PAQR7: variants seen among roughly 807,000 people sequenced by gnomAD.
PAQR7 encodes the protein membrane progestin receptor alpha.
PAQR7 carries 14 observed loss-of-function variants against 24.6 expected under a neutral mutation model. That is an observed-to-expected ratio of 0.57 (90% CI 0.38 to 0.89). The LOEUF is 0.89. Among genes scored for constraint, PAQR7 ranks in the 40% least tolerant of loss-of-function variants. The pLI is 0.00. For missense variants in PAQR7, 351 were observed against 444.0 expected (o/e 0.79, Z 1.88); for synonymous variants, 189 against 198.8 (o/e 0.95, Z 0.42).
At position 25,870,696 on chromosome 1, in the gene PAQR7, T is replaced by C. The variant is rs1458901352; in HGVS notation, c.-108-2A>G. ...GCAAACTTCAGTGGTTCCTGTCCAC[T>C]ACTCAGTGGGAATCAGAATGGAAGA... On this transcript the variant is annotated splice_acceptor_variant, in intron 1 of 2. Coordinates refer to ENST00000675840, the MANE Select transcript of PAQR7 (RefSeq NM_178422.6). LOFTEE classifies it low-confidence loss of function (5UTR_SPLICE). 6.6e-6 allele frequency: 1 copy of C among 152,208 alleles called. No individual in the cohort carries two copies. The highest frequency in any genetic ancestry group is 2.4e-5 in the African/African-American group (1 of 41,444). The allele number at this position is 152,208 out of a possible 1,614,324, so 9.4% of individuals were successfully genotyped here. A position where few individuals can be genotyped will look rare whatever the true frequency, so the allele number is the denominator to read the frequency against.
intron 1 of PAQR7, among the ~76,000 whole-genome samples, chr1:25,872,206 G>C (rs1054632871): frequency 6.6e-6 from 1 of 152,192 alleles, no homozygotes; most frequent in Non-Finnish European, 1.5e-5. Context: ...CCAGGTGTTG[G>C]CTCTGGCACA....
In PAQR7 at chr1:25,863,911, C is replaced by A; in HGVS notation, c.-22-50G>T. 1 of 1,419,998 alleles carries A rather than the reference C, an allele frequency of 7.0e-7. No homozygotes were observed. Among genetic ancestry groups the A allele is most frequent in the South Asian group, 1.4e-5 (1 of 73,768 alleles). The allele number at this position is 1,419,998 out of a possible 1,614,324, so 88.0% of individuals were successfully genotyped here. On this transcript the variant is annotated intron_variant, in intron 2 of 2. Coordinates refer to ENST00000675840, the MANE Select transcript of PAQR7 (RefSeq NM_178422.6). The surrounding 1 kb of genome is among the most constrained non-coding windows in gnomAD (Gnocchi z 6.1). ...CAGGGGCCTGGTGTCCTCACCCCCA[C>A]GAGCAGCAGCTGGGGGGCTCTGATG...
intron 2 of PAQR7, among the ~76,000 whole-genome samples, chr1:25,869,980 T>G (rs116304103): frequency 6.6e-6 from 1 of 152,136 alleles, no homozygotes; most frequent in Non-Finnish European, 1.5e-5. Flanking sequence ...CGCTGCCCTA[T>G]TTTCTTTAGA....
intron 2 of PAQR7, among the ~76,000 whole-genome samples, chr1:25,869,265 A>C (rs921190723): frequency 6.6e-6 from 1 of 151,866 alleles, no homozygotes; most frequent in African/African-American, 2.4e-5. Flanking sequence ...GCGGATAATG[A>C]AATTCAGAGA....
At position 25,861,499 on chromosome 1, in the gene PAQR7, T is replaced by C. The variant is rs2124522453; in HGVS notation, c.*1300A>G. 1 of 152,198 alleles carries C rather than the reference T, an allele frequency of 6.6e-6. No homozygotes were observed. Among genetic ancestry groups the C allele is most frequent in the Middle Eastern group, 3.4e-3 (1 of 294 alleles). 9.4% of individuals were successfully genotyped at this position (152,198 alleles called of 1,614,324 possible). A position where few individuals can be genotyped will look rare whatever the true frequency, so the allele number is the denominator to read the frequency against. On this transcript the variant is annotated 3_prime_UTR_variant, in exon 3 of 3. Transcript: ENST00000675840. ...AACAAAGAGGTGGCTACTGTCACAG[T>C]ACTTTATTGCATCCAGGCCATAATC... is the stretch of plus-strand genomic sequence containing the variant.
intron 1 of PAQR7, chr1:25,871,178 T>G (rs1295399912): frequency 6.6e-6 from 1 of 152,142 alleles, no homozygotes; most frequent in East Asian, 1.9e-4. Context: ...GAGTTTGGAC[T>G]TCCAAGGACA....
In PAQR7 at chr1:25,863,724, G is replaced by C. The variant is rs759310565; in HGVS notation, c.116C>G (p.Pro39Arg). ...GATGTACGGCTTCCAGAAGAGCGGC[G>C]GCACCTCAGCTCGATCCACCGTGAA... is the stretch of plus-strand genomic sequence containing the variant. ...PVFTVDRAEV[P>R]PLFWKPYIYA... is the part of the protein sequence containing the mutation. Residue 39 changes from proline to arginine, a missense_variant, in exon 3 of 3, where the codon CCG (proline) becomes CGG (arginine). Transcript: ENST00000675840. This position sits in a 1 kb window ranked among gnomAD's most constrained non-coding sequence, Gnocchi z 6.1. 5.6e-6 allele frequency: 9 copies of C among 1,613,918 alleles called. No individual in the cohort carries two copies. The highest frequency in any genetic ancestry group is 3.3e-4 in the Middle Eastern group (2 of 6,084).
chr1:25,870,325 T>C (rs2048593501), intron 2 of PAQR7, among the ~76,000 whole-genome samples: 1 of 152,112 alleles, frequency 6.6e-6, no homozygotes, highest in African/African-American at 2.4e-5. Context: ...ACCTCTACTA[T>C]GGGACTGGGC....
chr1:25,868,820 T>C lies in PAQR7; in HGVS notation c.-23+1789A>G, dbSNP rs1460959764. Among the ~76,000 whole-genome samples, 6 of 151,652 alleles carry C rather than the reference T, an allele frequency of 4.0e-5. No homozygotes were observed. The East Asian group carries it at 9.8e-4, about 25-fold the overall frequency. The stretch of plus-strand genomic sequence containing the variant: ...ATGTGACCACGGATTCCTTCCGTAG[T>C]AATAATTATATTATAAAGCCACTTG... On this transcript the variant is annotated intron_variant, in intron 2 of 2. Coordinates refer to ENST00000675840, the MANE Select transcript of PAQR7 (RefSeq NM_178422.6).
chr1:25,868,397 A>G (rs2048574786), intron 2 of PAQR7, among the ~76,000 whole-genome samples: 1 of 152,196 alleles, frequency 6.6e-6, no homozygotes, highest in African/African-American at 2.4e-5. Flanking sequence ...ACTTCCCAAG[A>G]TATAACAGCA....
At chr1:25,865,016 T>G (rs1037599299) in intron 2 of PAQR7, among the ~76,000 whole-genome samples, 1 of 151,212 alleles carries the variant, frequency 6.6e-6, no homozygotes, top group African/African-American at 2.4e-5. Flanking sequence ...TTTAGCCAGG[T>G]GAGGTGGGGG....
intron 2 of PAQR7, among the ~76,000 whole-genome samples, chr1:25,865,455 A>G (rs1054706865): frequency 1.3e-5 from 2 of 151,614 alleles, no homozygotes; most frequent in African/African-American, 4.9e-5. Flanking sequence ...CAGGCGGATC[A>G]CCTGAGGTCG....
intron 2 of PAQR7, among the ~76,000 whole-genome samples, chr1:25,865,637 A>C (rs953259785): frequency 2.0e-5 from 3 of 152,072 alleles, no homozygotes; most frequent in African/African-American, 7.2e-5. Context: ...GTGAAACCTC[A>C]TCTCTACTAA....
chr1:25,863,923 G>A lies in PAQR7; in HGVS notation c.-22-62C>T. On this transcript the variant is annotated intron_variant, in intron 2 of 2. Coordinates refer to ENST00000675840, the MANE Select transcript of PAQR7 (RefSeq NM_178422.6). The surrounding 1 kb of genome is among the most constrained non-coding windows in gnomAD (Gnocchi z 6.1). The stretch of plus-strand genomic sequence containing the variant: ...GTCCTCACCCCCACGAGCAGCAGCT[G>A]GGGGGCTCTGATGCCCAAATCCTAC... 1 of 1,336,098 alleles carries A rather than the reference G, an allele frequency of 7.5e-7. No individual in the cohort carries two copies. Among genetic ancestry groups the A allele is most frequent in the South Asian group, 1.4e-5 (1 of 70,514 alleles). 82.8% of individuals were successfully genotyped at this position (1,336,098 alleles called of 1,614,324 possible). A position where few individuals can be genotyped will look rare whatever the true frequency, so the allele number is the denominator to read the frequency against.
At chr1:25,871,938 G>A (rs2048609704) in intron 1 of PAQR7, among the ~76,000 whole-genome samples, 1 of 152,224 alleles carries the variant, frequency 6.6e-6, no homozygotes, top group Non-Finnish European at 1.5e-5. Flanking sequence ...GCCAGGTAGT[G>A]AGCCTGGAGA....
Position 25,862,446 on chromosome 1 carries a change from T to C in PAQR7, c.*353A>G. On this transcript the variant is annotated 3_prime_UTR_variant, in exon 3 of 3. Transcript: ENST00000675840. ...GCTCAGCTCAAATCTGACTCTGGCC[T>C]AAGTTTCACCTCCTGCCTAGACAAT... 1 of 225,916 alleles carries C rather than the reference T, an allele frequency of 4.4e-6. No individual in the cohort carries two copies. The highest frequency in any genetic ancestry group is 8.4e-5 in the South Asian group (1 of 11,838). The allele number at this position is 225,916 out of a possible 1,614,324, so 14.0% of individuals were successfully genotyped here. A position where few individuals can be genotyped will look rare whatever the true frequency, so the allele number is the denominator to read the frequency against.
Position 25,862,471 on chromosome 1 carries a change from T to A in PAQR7, c.*328A>T, listed in dbSNP as rs1481723486. ...TAAGTTTCACCTCCTGCCTAGACAA[T>A]CTAGAAGCCCCAATCCTCACCAAGC... On this transcript the variant is annotated 3_prime_UTR_variant, in exon 3 of 3. Coordinates refer to ENST00000675840, the MANE Select transcript of PAQR7 (RefSeq NM_178422.6). 3.6e-6 allele frequency: 1 copy of A among 280,044 alleles called. No individual in the cohort carries two copies. Among genetic ancestry groups the A allele is most frequent in the African/African-American group, 2.2e-5 (1 of 45,464 alleles). 17.3% of individuals were successfully genotyped at this position (280,044 alleles called of 1,614,324 possible).
Position 25,863,912 on chromosome 1 carries a change from G to A in PAQR7, c.-22-51C>T, listed in dbSNP as rs1432807074. 11 of 1,409,612 alleles carry A rather than the reference G, an allele frequency of 7.8e-6. No individual in the cohort carries two copies. In the South Asian group the frequency reaches 8.2e-5, roughly 10 times the overall value. The allele number at this position is 1,409,612 out of a possible 1,614,324, so 87.3% of individuals were successfully genotyped here. On this transcript the variant is annotated intron_variant, in intron 2 of 2. Transcript: ENST00000675840. The surrounding 1 kb of genome is among the most constrained non-coding windows in gnomAD (Gnocchi z 6.1). ...AGGGGCCTGGTGTCCTCACCCCCACGAGCAGCAGCTGGGGGGCTCTGATGC... is the reference window on the plus strand; with the variant it reads ...AGGGGCCTGGTGTCCTCACCCCCACAAGCAGCAGCTGGGGGGCTCTGATGC...
chr1:25,868,709 CAA>C (rs35304131), intron 2 of PAQR7, among the ~76,000 whole-genome samples: 58 of 89,732 alleles, frequency 6.5e-4, no homozygotes, highest in African/African-American at 1.7e-3. Context: ...GACCCTTTCT[CAA>C]AAAAAAAAAA....
Sources: allele counts gnomAD v4.1 joint callset (sites outside exome capture counted in the v4.1 genomes callset), GRCh38; gene constraint gnomAD v4.1.1; non-coding constraint Gnocchi (gnomAD v3.1); transcripts MANE v1.5; gene names NCBI Gene and HGNC (gene_info 2026-07-23, HGNC 2026-07-21).